The following PDE4D variants were observed in gnomAD, a reference collection of about 807,000 sequenced individuals.
PDE4D encodes 3',5'-cyclic-AMP phosphodiesterase 4D.
In PDE4D, 24 loss-of-function variants were observed where a neutral mutation model predicts 87.4. The ratio of observed to expected loss-of-function variants is 0.27; its 90% CI spans 0.20 to 0.39. The LOEUF (loss-of-function observed/expected upper bound fraction) is 0.39. Among genes scored for constraint, PDE4D ranks in the 10% least tolerant of loss-of-function variants. The pLI, the probability that PDE4D is intolerant of heterozygous loss-of-function variation, is 1.00. For synonymous variants in PDE4D, 384 were observed against 383.2 expected, an observed-to-expected ratio of 1.00 and a Z score of -0.02; for missense variants, 714 against 1,041.0, an observed-to-expected ratio of 0.69 and a Z score of 4.32.
intron 2 of PDE4D, among the ~76,000 whole-genome samples, chr5:60,124,501 G>T (rs1292009526): frequency 6.6e-6 from 1 of 151,690 alleles, no homozygotes; most frequent in East Asian, 1.9e-4. Context: ...TTTCTCTGCA[G>T]CCCCCATCAC....
chr5:59,518,288 T>C (rs915946566), intron 1 of PDE4D, among the ~76,000 whole-genome samples: 1 of 152,052 alleles, frequency 6.6e-6, no homozygotes, highest in African/African-American at 2.4e-5. Flanking sequence ...AAAATGATGT[T>C]TGCTATTGTA....
At chr5:60,407,444 C>CTTTT (rs70975385) in intron 1 of PDE4D, among the ~76,000 whole-genome samples, 13 of 80,098 alleles carry the variant, frequency 1.6e-4, no homozygotes, top group African/African-American at 2.9e-4. Flanking sequence ...TTTCTTTTTC[C>CTTTT]TTTTTTTTTT....
intron 1 of PDE4D, among the ~76,000 whole-genome samples, chr5:59,854,641 G>A (rs927183859): frequency 1.3e-5 from 2 of 151,942 alleles, no homozygotes; most frequent in Admixed American, 1.3e-4. Context: ...CTCTGTATCT[G>A]AACCTTATCT....
At chr5:59,645,184 AC>A in intron 1 of PDE4D, among the ~76,000 whole-genome samples, 1 of 152,290 alleles carries the variant, frequency 6.6e-6, no homozygotes, top group East Asian at 1.9e-4. Context: ...CCTTAGGCAA[AC>A]AGATTTCCTG....
intron 1 of PDE4D, among the ~76,000 whole-genome samples, chr5:59,340,421 G>A (rs752558517): frequency 6.6e-6 from 1 of 151,988 alleles, no homozygotes; most frequent in African/African-American, 2.4e-5. Context: ...TACATAGTAG[G>A]TATATTTATG....
chr5:59,730,196 G>C (rs950130752), intron 1 of PDE4D, among the ~76,000 whole-genome samples: 1 of 152,074 alleles, frequency 6.6e-6, no homozygotes, highest in Non-Finnish European at 1.5e-5. Context: ...AGCTGGAATG[G>C]GGAAGAAAGA....
intron 1 of PDE4D, among the ~76,000 whole-genome samples, chr5:59,577,260 C>A (rs1253736448): frequency 6.6e-6 from 1 of 151,960 alleles, no homozygotes; most frequent in Non-Finnish European, 1.5e-5. Context: ...TGCTGTCTTC[C>A]CCATGAAAAA....
chr5:59,467,931 A>T (rs1379264524), intron 1 of PDE4D, among the ~76,000 whole-genome samples: 1 of 152,046 alleles, frequency 6.6e-6, no homozygotes, highest in Non-Finnish European at 1.5e-5. Flanking sequence ...CTTCATAGCT[A>T]TACACATGAA....
intron 1 of PDE4D, among the ~76,000 whole-genome samples, chr5:59,303,015 T>A (rs1319319586): frequency 1.3e-5 from 2 of 152,186 alleles, no homozygotes; most frequent in Non-Finnish European, 2.9e-5. Context: ...TGTAGAAGTG[T>A]TTCCTGATCA....
chr5:59,407,397 T>C (rs980389198), intron 1 of PDE4D, among the ~76,000 whole-genome samples: 10 of 152,192 alleles, frequency 6.6e-5, no homozygotes, highest in Non-Finnish European at 4.4e-5. Flanking sequence ...TATTTCTTCA[T>C]AAATTACCCA....
intron 1 of PDE4D, among the ~76,000 whole-genome samples, chr5:59,460,931 C>A (rs193103229): frequency 6.6e-5 from 10 of 152,294 alleles, no homozygotes; most frequent in Admixed American, 1.3e-4. Context: ...CCTGTTCCTA[C>A]CCCATACTGT....
intron 3 of PDE4D, among the ~76,000 whole-genome samples, chr5:59,929,816 C>T (rs1205141795): frequency 1.3e-5 from 2 of 152,138 alleles, no homozygotes; most frequent in African/African-American, 2.4e-5. Context: ...GGCTTGGGCA[C>T]CTCTTCCCAG....
chr5:59,413,426 C>A (rs959188036), intron 1 of PDE4D, among the ~76,000 whole-genome samples: 3 of 139,562 alleles, frequency 2.1e-5, no homozygotes, highest in Non-Finnish European at 3.0e-5. Flanking sequence ...CCACTACACT[C>A]CAGCCTGGGT....
chr5:59,969,000 CCGA>C (rs779476430), intron 3 of PDE4D, among the ~76,000 whole-genome samples: 2 of 135,448 alleles, frequency 1.5e-5, no homozygotes, highest in African/African-American at 5.2e-5. Flanking sequence ...CACCCCCCCC[CCGA>C]AAAAAAGAGA....
intron 1 of PDE4D, among the ~76,000 whole-genome samples, chr5:60,466,231 G>A (rs538829546): frequency 1.3e-5 from 2 of 152,238 alleles, no homozygotes; most frequent in East Asian, 3.9e-4. Context: ...ATAAATGAGA[G>A]GTTACTTACC....
intron 1 of PDE4D, among the ~76,000 whole-genome samples, chr5:60,466,214 G>A (rs1048009726): frequency 1.4e-4 from 21 of 152,152 alleles, no homozygotes; most frequent in Non-Finnish European, 2.8e-4. Flanking sequence ...ATAGGAACGA[G>A]ATGGTCATAA....
chr5:59,249,759 A>C (rs568864570), intron 1 of PDE4D, among the ~76,000 whole-genome samples: 1 of 152,268 alleles, frequency 6.6e-6, no homozygotes, highest in South Asian at 2.1e-4. Flanking sequence ...GAAAATAACT[A>C]AGAATTAGCA....
chr5:59,858,920 G>A (rs374180100), intron 1 of PDE4D, among the ~76,000 whole-genome samples: 4 of 152,108 alleles, frequency 2.6e-5, no homozygotes, highest in Non-Finnish European at 5.9e-5. Context: ...GACTCTCACG[G>A]AGGAACTACT....
intron 6 of PDE4D, among the ~76,000 whole-genome samples, chr5:59,017,176 C>A (rs1415347685): frequency 6.6e-6 from 1 of 152,100 alleles, no homozygotes; most frequent in African/African-American, 2.4e-5. Flanking sequence ...AGGGTATGAG[C>A]CTTCCAGAGG....
Sources: gnomAD v4.1 joint callset for allele counts (sites outside exome capture counted in the v4.1 genomes callset) on GRCh38, gnomAD v4.1.1 for gene constraint, MANE v1.5 for transcripts, NCBI Gene and HGNC (gene_info 2026-07-23, HGNC 2026-07-21) for gene names.